The following MRTFA variants were observed in gnomAD, a reference collection of about 807,000 sequenced individuals.
The protein encoded by MRTFA is myocardin-related transcription factor A.
MRTFA carries 20 observed loss-of-function variants against 83.5 expected under a neutral mutation model. The observed-to-expected ratio is 0.24, with a 90% confidence interval of 0.17 to 0.35. The LOEUF is 0.35. Ranked by LOEUF, MRTFA falls within the 10% of genes least tolerant of loss-of-function variation. The probability of loss-of-function intolerance (pLI) is 1.00; values close to 1 mark genes in which losing one functional copy is unlikely to be tolerated. For missense variants in MRTFA, 1,200 were observed against 1,224.7 expected, an observed-to-expected ratio of 0.98 and a Z score of 0.30; for synonymous variants, 659 against 541.2, an observed-to-expected ratio of 1.22 and a Z score of -3.02.
chr22:40,634,982 AT>A (rs2147458792), intron 1 of MRTFA, among the ~76,000 whole-genome samples: 1 of 152,336 alleles, frequency 6.6e-6, no homozygotes, highest in African/African-American at 2.4e-5. Context: ...GCTCTTCTTA[AT>A]AGTTATTGGC....
rs1602231306 is a variant in MRTFA, at chr22:40,431,447, G to A, written c.397C>T (p.Arg133Trp). Residue 133 changes from arginine (R) to tryptophan (W), a missense_variant, in exon 6 of 15, where the codon CGG becomes TGG. By Grantham distance (101) the Arg-to-Trp change is moderately radical. Coordinates refer to ENST00000355630, the MANE Select transcript of MRTFA (RefSeq NM_020831.6). ...CTGACCAGCTCCGATCTCTCCGGCC[G>A]GGAACGAATCTTCCGTTTGAGATAG... is the stretch of plus-strand genomic sequence containing the variant. 6.2e-7 allele frequency: 1 copy of A among 1,614,074 alleles called. No individual in the cohort carries two copies. The highest frequency in any genetic ancestry group is 8.5e-7 in the Non-Finnish European group (1 of 1,179,948).
At chr22:40,616,875 G>C (rs2056454779) in intron 1 of MRTFA, among the ~76,000 whole-genome samples, 1 of 151,968 alleles carries the variant, frequency 6.6e-6, no homozygotes, top group African/African-American at 2.4e-5. Context: ...GAAGCAGGCG[G>C]ATCACTTAAA....
intron 4 of MRTFA, among the ~76,000 whole-genome samples, chr22:40,460,029 G>A (rs892449993): frequency 7.9e-5 from 12 of 151,336 alleles, no homozygotes; most frequent in Non-Finnish European, 1.2e-4. Flanking sequence ...TGCAGCCTCC[G>A]CCTCCCAGGT....
intron 14 of MRTFA, among the ~76,000 whole-genome samples, chr22:40,415,869 C>G (rs2052668792): frequency 6.6e-6 from 1 of 152,090 alleles, no homozygotes; most frequent in African/African-American, 2.4e-5. Flanking sequence ...CGGCTGGATT[C>G]CAGGACACCG....
intron 3 of MRTFA, among the ~76,000 whole-genome samples, chr22:40,477,854 A>C (rs898893988): frequency 1.3e-5 from 2 of 152,102 alleles, no homozygotes; most frequent in Non-Finnish European, 2.9e-5. Context: ...AGGGGAAACA[A>C]AAAGAAAGGG....
chr22:40,485,870 C>T lies in MRTFA; in HGVS notation c.242-22584G>A, dbSNP rs1047601393. 3.3e-5 allele frequency among the ~76,000 whole-genome samples: 5 copies of T among 152,212 alleles called. No homozygotes were observed. In the East Asian group the frequency reaches 7.7e-4, roughly 23 times the overall value. On this transcript the variant is annotated intron_variant, in intron 3 of 14. Coordinates refer to ENST00000355630, the MANE Select transcript of MRTFA (RefSeq NM_020831.6). ...AGCCCTAAGTGGACTCAGAGATTAA[C>T]GTAGTCCTAAGGCATCTCCCTCAAC...
chr22:40,529,327 A>T (rs1387089920), intron 3 of MRTFA, among the ~76,000 whole-genome samples: 1 of 152,042 alleles, frequency 6.6e-6, no homozygotes. Flanking sequence ...TTTTATTTTT[A>T]TTTTTTTGAG....
At chr22:40,524,890 C>T (rs1267393184) in intron 3 of MRTFA, among the ~76,000 whole-genome samples, 2 of 152,190 alleles carry the variant, frequency 1.3e-5, no homozygotes, top group African/African-American at 4.8e-5. Flanking sequence ...TCACTGCAAC[C>T]TCCACCTCCC....
chr22:40,541,945 C>T (rs936365984), intron 3 of MRTFA, among the ~76,000 whole-genome samples: 1 of 152,076 alleles, frequency 6.6e-6, no homozygotes, highest in Admixed American at 6.6e-5. Flanking sequence ...GGATTACAGG[C>T]GTGAGCCACT....
intron 1 of MRTFA, among the ~76,000 whole-genome samples, chr22:40,604,552 G>C (rs1231121218): frequency 6.6e-6 from 1 of 151,920 alleles, no homozygotes; most frequent in Non-Finnish European, 1.5e-5. Context: ...TTTGAGACCA[G>C]CATGACCAAC....
At chr22:40,488,096 G>A (rs977725351) in intron 3 of MRTFA, among the ~76,000 whole-genome samples, 5 of 152,166 alleles carry the variant, frequency 3.3e-5, no homozygotes, top group African/African-American at 7.2e-5. Context: ...CAGAGATAGC[G>A]TTACAAGTGC....
chr22:40,617,176 AGGAG>A (rs2056460240), intron 1 of MRTFA, among the ~76,000 whole-genome samples: 1 of 85,032 alleles, frequency 1.2e-5, no homozygotes, highest in Admixed American at 1.7e-4. Context: ...GAAGGAGGGA[AGGAG>A]GGAAGGAGGG....
At position 40,429,655 on chromosome 22, in the gene MRTFA, C is replaced by T. The variant is rs1431587459; in HGVS notation, c.552G>A (p.Val184=). 2 of 1,614,148 alleles carry T rather than the reference C, an allele frequency of 1.2e-6. No homozygotes were observed. The highest frequency in any genetic ancestry group is 1.3e-5 in the African/African-American group (1 of 75,036). Residue 184 remains valine (V), a synonymous_variant, in exon 7 of 15, where the codon GTG becomes GTA. Coordinates refer to ENST00000355630, the MANE Select transcript of MRTFA (RefSeq NM_020831.6). ...ACTCAACAGGAAGGATGTTCTTCTC[C>T]ACCAGCTCCATGGGGCCAGGCCTCT...
chr22:40,517,661 C>A (rs2054783984), intron 3 of MRTFA, among the ~76,000 whole-genome samples: 1 of 152,166 alleles, frequency 6.6e-6, no homozygotes. Flanking sequence ...TCACTCCTGG[C>A]ACCGAGGTCC....
chr22:40,629,533 G>C (rs543796881), intron 1 of MRTFA, among the ~76,000 whole-genome samples: 1 of 151,464 alleles, frequency 6.6e-6, no homozygotes, highest in Non-Finnish European at 1.5e-5. Flanking sequence ...AGGCCGAGGC[G>C]GATGGATCGC....
chr22:40,586,924 G>GTGCTGCTGC (rs971204262), intron 2 of MRTFA: 1 of 363,320 alleles, frequency 2.8e-6, no homozygotes, highest in African/African-American at 2.3e-5. Context: ...GCTGGTGCTG[G>GTGCTGCTGC]TGCTGCTGCT....
intron 12 of MRTFA, 69 bp from the exon 13 acceptor site, chr22:40,417,562 C>T (rs577484885): frequency 1.0e-3 from 99 of 98,330 alleles, no homozygotes; most frequent in Admixed American, 6.6e-3. Context: ...TTGTAGGGGG[C>T]GGGGGGCGGG....
At chr22:40,493,364 G>A (rs1160892820) in intron 3 of MRTFA, among the ~76,000 whole-genome samples, 2 of 152,140 alleles carry the variant, frequency 1.3e-5, no homozygotes, top group Non-Finnish European at 2.9e-5. Context: ...CCTCTATGCT[G>A]ATCAATCTGT....
intron 3 of MRTFA, among the ~76,000 whole-genome samples, chr22:40,491,680 GT>G (rs1282117620): frequency 6.6e-6 from 1 of 152,092 alleles, no homozygotes; most frequent in Non-Finnish European, 1.5e-5. Flanking sequence ...TTAAAGAAAA[GT>G]TTTTTCTTCC....
Sources: gnomAD v4.1 joint callset for allele counts (sites outside exome capture counted in the v4.1 genomes callset) on GRCh38, gnomAD v4.1.1 for gene constraint, MANE v1.5 for transcripts, NCBI Gene and HGNC (gene_info 2026-07-23, HGNC 2026-07-21) for gene names.